The following ADAM18 variants were observed in gnomAD, a reference collection of about 807,000 sequenced individuals.
ADAM18 encodes the protein ADAM metallopeptidase domain 18.
A neutral mutation model predicts 94.4 loss-of-function variants in ADAM18; 117 were observed. That is an observed-to-expected ratio of 1.24 (90% confidence interval 1.07 to 1.45). ADAM18 has a LOEUF of 1.45. ADAM18 is among the 40% of genes most tolerant of loss of function. The probability of loss-of-function intolerance (pLI) is 0.00; values close to 1 mark genes in which losing one functional copy is unlikely to be tolerated. For missense variants in ADAM18, 936 were observed against 880.0 expected (o/e 1.06, Z -0.81); for synonymous variants, 327 against 291.6 (o/e 1.12, Z -1.24).
At chr8:39,594,653 T>C (rs1818682635) in intron 2 of ADAM18, among the ~76,000 whole-genome samples, 1 of 151,968 alleles carries the variant, frequency 6.6e-6, no homozygotes, top group Non-Finnish European at 1.5e-5. Flanking sequence ...TCCTTTGATC[T>C]TCATGTCTTC....
At chr8:39,661,180 T>A (rs1820825082) in intron 12 of ADAM18, among the ~76,000 whole-genome samples, 1 of 135,038 alleles carries the variant, frequency 7.4e-6, no homozygotes, top group Non-Finnish European at 1.6e-5. Flanking sequence ...TTTGAGGGAG[T>A]CTCGGTTTGT....
At chr8:39,586,838 C>T (rs1207807983) in intron 2 of ADAM18, among the ~76,000 whole-genome samples, 1 of 151,674 alleles carries the variant, frequency 6.6e-6, no homozygotes, top group Admixed American at 6.6e-5. Flanking sequence ...GTTTTTTCCC[C>T]AGATTTACTA....
chr8:39,719,369 C>G (rs1822681165), intron 18 of ADAM18, among the ~76,000 whole-genome samples: 1 of 151,172 alleles, frequency 6.6e-6, no homozygotes, highest in Non-Finnish European at 1.5e-5. Flanking sequence ...TTTAAAACTT[C>G]TAGAAGAAAA....
intron 18 of ADAM18, among the ~76,000 whole-genome samples, chr8:39,711,953 A>G (rs570335634): frequency 6.6e-6 from 1 of 152,122 alleles, no homozygotes; most frequent in South Asian, 2.1e-4. Flanking sequence ...GGCACTGAAC[A>G]CTGGCGCAAG....
chr8:39,728,117 T>C (rs1327976113), intron 19 of ADAM18, among the ~76,000 whole-genome samples: 1 of 152,002 alleles, frequency 6.6e-6, no homozygotes, highest in Non-Finnish European at 1.5e-5. Context: ...GGCCAGATCT[T>C]GCAAGAACTC....
intron 12 of ADAM18, 68 bp from the exon 13 acceptor site, chr8:39,663,727 T>C: frequency 1.0e-6 from 1 of 985,086 alleles, no homozygotes; most frequent in Non-Finnish European, 1.6e-6. Flanking sequence ...TAAATTGAAA[T>C]TGAGATTAAG....
In ADAM18 at chr8:39,663,890, G is replaced by A. The variant is rs1324503980; in HGVS notation, c.1326G>A (p.Glu442=). 3.7e-6 allele frequency: 6 copies of A among 1,605,288 alleles called. No homozygotes were observed. The highest frequency in any genetic ancestry group is 2.2e-5 in the East Asian group (1 of 44,626). ...GSGPCCTSKC[E]LSIAGTPCRK... ...GACCATGTTGTACATCAAAGTGTGA[G>A]GTAAGTTACTAACATTCATTAAAAG... The change falls in exon 13 of 20, where the codon GAG becomes GAA. Residue 442 remains glutamate, a splice_region_variant and synonymous_variant. Transcript: ENST00000265707.
chr8:39,608,972 T>C (rs1005318657), intron 3 of ADAM18, 70 bp from the exon 4 acceptor site: 2 of 847,660 alleles, frequency 2.4e-6, no homozygotes, highest in African/African-American at 1.8e-5. Context: ...ATAAAATGTA[T>C]GTAATATTTG....
intron 12 of ADAM18, among the ~76,000 whole-genome samples, chr8:39,663,249 A>T (rs903482225): frequency 3.3e-5 from 5 of 151,992 alleles, no homozygotes; most frequent in Admixed American, 2.6e-4. Context: ...TTTAGATGTT[A>T]TTTCTGCAGT....
chr8:39,626,793 A>G (rs1819782228), intron 6 of ADAM18, among the ~76,000 whole-genome samples: 1 of 152,112 alleles, frequency 6.6e-6, no homozygotes, highest in Admixed American at 6.6e-5. Context: ...GATTTTTAAA[A>G]AATTTATTGA....
intron 2 of ADAM18, among the ~76,000 whole-genome samples, chr8:39,598,483 G>A (rs1265707095): frequency 6.6e-6 from 1 of 152,022 alleles, no homozygotes; most frequent in East Asian, 1.9e-4. Context: ...CAAAGTGGGT[G>A]TTGGCCAGGC....
At chr8:39,587,715 G>A (rs541860497) in intron 2 of ADAM18, among the ~76,000 whole-genome samples, 1 of 152,220 alleles carries the variant, frequency 6.6e-6, no homozygotes, top group African/African-American at 2.4e-5. Flanking sequence ...CAAAGTGCTG[G>A]CATTACAGGC....
Position 39,610,640 on chromosome 8 carries a change from T to A in ADAM18, c.456T>A (p.Ile152=). Reference sequence around the variant, plus strand: ...AAAATAATGATCCAAATGTATCCATTTTAGCAGTAAATTACAGTCATATTT... The same window carrying A: ...AAAATAATGATCCAAATGTATCCATATTAGCAGTAAATTACAGTCATATTT... The part of the protein sequence containing the change: ...QMKNNDPNVS[I]LAVNYSHIWQ... The change falls in exon 6 of 20, where the codon ATT becomes ATA. Residue 152 remains isoleucine, a synonymous_variant. Transcript: ENST00000265707. 1 of 1,613,150 alleles carries A rather than the reference T, an allele frequency of 6.2e-7. No individual in the cohort carries two copies. The highest frequency in any genetic ancestry group is 1.1e-5 in the South Asian group (1 of 90,996).
intron 2 of ADAM18, among the ~76,000 whole-genome samples, chr8:39,595,688 AT>A (rs1281832327): frequency 2.0e-5 from 3 of 151,572 alleles, no homozygotes; most frequent in Admixed American, 6.6e-5. Context: ...TACCTGGCTA[AT>A]TTTTTTGTAT....
chr8:39,681,480 A>G (rs1469458102), intron 16 of ADAM18, among the ~76,000 whole-genome samples: 3 of 152,220 alleles, frequency 2.0e-5, no homozygotes, highest in Non-Finnish European at 4.4e-5. Context: ...AGAAGTTGTG[A>G]TATAATAAAT....
At chr8:39,655,750 G>A (rs1820666047) in intron 12 of ADAM18, among the ~76,000 whole-genome samples, 1 of 151,818 alleles carries the variant, frequency 6.6e-6, no homozygotes, top group African/African-American at 2.4e-5. Context: ...AAATAATCTA[G>A]AAATAAATTA....
At chr8:39,702,821 C>CTG (rs1224579131) in intron 17 of ADAM18, among the ~76,000 whole-genome samples, 1 of 151,876 alleles carries the variant, frequency 6.6e-6, no homozygotes, top group East Asian at 1.9e-4. Flanking sequence ...TCTGGGTTCT[C>CTG]TGCTGTTCCA....
intron 7 of ADAM18, among the ~76,000 whole-genome samples, chr8:39,629,954 T>A (rs1819887091): frequency 6.6e-6 from 1 of 151,920 alleles, no homozygotes; most frequent in South Asian, 2.1e-4. Flanking sequence ...CCATCCTTTC[T>A]CTTAATCTGC....
intron 12 of ADAM18, among the ~76,000 whole-genome samples, chr8:39,662,773 C>T (rs1474197150): frequency 6.6e-6 from 1 of 152,052 alleles, no homozygotes; most frequent in Non-Finnish European, 1.5e-5. Context: ...TACAGGCACA[C>T]ACCACCACGC....
Sources: gnomAD v4.1 joint callset for allele counts (sites outside exome capture counted in the v4.1 genomes callset) on GRCh38, gnomAD v4.1.1 for gene constraint, MANE v1.5 for transcripts, NCBI Gene and HGNC (gene_info 2026-07-23, HGNC 2026-07-21) for gene names.